Variants in ELMOD1 observed in about 807,000 individuals in gnomAD.
The protein encoded by ELMOD1 is ELMO domain containing 1, also known as ELMO domain-containing protein 1.
Under a neutral mutation model 46.7 loss-of-function variants are expected in ELMOD1, and 21 were observed. The ratio of observed to expected loss-of-function variants is 0.45; its 90% CI spans 0.32 to 0.65. The LOEUF (loss-of-function observed/expected upper bound fraction) is 0.65. ELMOD1 is among the 30% of genes least tolerant of loss of function. The probability of loss-of-function intolerance (pLI) is 0.04; values close to 1 mark genes in which losing one functional copy is unlikely to be tolerated. For missense variants in ELMOD1, 348 were observed against 407.8 expected, an observed-to-expected ratio of 0.85 and a Z score of 1.26; for synonymous variants, 122 against 138.2, an observed-to-expected ratio of 0.88 and a Z score of 0.82.
chr11:107,591,547 G>C (rs952477497), intron 1 of ELMOD1, 138 bp downstream of exon 1: 2 of 258,902 alleles, frequency 7.7e-6, no homozygotes, highest in Admixed American at 5.1e-5. Flanking sequence ...ATCGGGGGCA[G>C]AGAGGGAACG....
chr11:107,631,264 T>C (rs1173012225), intron 4 of ELMOD1, among the ~76,000 whole-genome samples: 3 of 151,878 alleles, frequency 2.0e-5, no homozygotes, highest in Non-Finnish European at 4.4e-5. Context: ...CCCTTAACAA[T>C]AGAAACTATG....
chr11:107,630,513 A>G lies in ELMOD1; in HGVS notation c.114A>G (p.Gln38=), dbSNP rs765095723. ...MRKLTGRCEL[Q]RICYNTKPGA... ...AGCTAACTGGAAGATGTGAACTACA[A>G]CGGATCTGTTATAATACCAAGCCGG... The change falls in exon 3 of 12, where the codon CAA becomes CAG. Residue 38 remains glutamine, a synonymous_variant. Transcript: ENST00000265840. 1.2e-6 allele frequency: 2 copies of G among 1,610,688 alleles called. No homozygotes were observed. The highest frequency in any genetic ancestry group is 1.3e-5 in the African/African-American group (1 of 75,030).
At chr11:107,610,998 C>CA (rs58417281) in intron 1 of ELMOD1, among the ~76,000 whole-genome samples, 19,322 of 95,660 alleles carry the variant, frequency 0.2, 3,065 homozygotes, top group African/African-American at 0.44. Flanking sequence ...TGTAAGAATC[C>CA]AAAAAAAAAA....
intron 2 of ELMOD1, chr11:107,625,282 T>C (rs111714847): frequency 1.6e-6 from 1 of 612,216 alleles, no homozygotes; most frequent in Non-Finnish European, 2.0e-6. Context: ...TTGCTCTTCT[T>C]TATGACATTT....
chr11:107,662,137 T>G (rs759916258), intron 11 of ELMOD1, among the ~76,000 whole-genome samples: 11 of 152,166 alleles, frequency 7.2e-5, no homozygotes, highest in Admixed American at 1.3e-4. Flanking sequence ...AGGAAGAACC[T>G]TTATTTGTTT....
In ELMOD1 at chr11:107,665,843, T is replaced by C. The variant is rs1866833781; in HGVS notation, c.*646T>C. The stretch of plus-strand genomic sequence containing the variant: ...TGGGCGTGGTGGTGGGTGCCTGTAA[T>C]CCCAGCTACTCGGGAGGCTGAGGCA... On this transcript the variant is annotated 3_prime_UTR_variant, in exon 12 of 12. Coordinates refer to ENST00000265840, the MANE Select transcript of ELMOD1 (RefSeq NM_018712.4). 1.3e-5 allele frequency: 2 copies of C among 152,036 alleles called. No homozygotes were observed. 9.4% of individuals were successfully genotyped at this position (152,036 alleles called of 1,614,324 possible).
At chr11:107,656,162 T>C (rs1432748007) in intron 11 of ELMOD1, 96 bp downstream of exon 11, 15 of 1,328,502 alleles carry the variant, frequency 1.1e-5, no homozygotes, top group Non-Finnish European at 1.4e-5. Flanking sequence ...CCAAGGCGAG[T>C]GGATTGCCTG....
chr11:107,601,880 G>A (rs1185911558), intron 1 of ELMOD1, among the ~76,000 whole-genome samples: 3 of 151,840 alleles, frequency 2.0e-5, no homozygotes, highest in Admixed American at 2.0e-4. Flanking sequence ...AAGCTCTAAT[G>A]CACTCTGAAC....
At chr11:107,625,464 T>A in intron 2 of ELMOD1, 1 of 985,380 alleles carries the variant, frequency 1.0e-6, no homozygotes, top group Non-Finnish European at 1.2e-6. Context: ...AAGCCACTTT[T>A]CTCTTACTGT....
Position 107,665,423 on chromosome 11 carries a change from C to A in ELMOD1, c.*226C>A. 2.2e-6 allele frequency: 1 copy of A among 448,412 alleles called. No individual in the cohort carries two copies. The highest frequency in any genetic ancestry group is 2.0e-5 in the African/African-American group (1 of 50,524). 27.8% of individuals were successfully genotyped at this position (448,412 alleles called of 1,614,324 possible). A position where few individuals can be genotyped will look rare whatever the true frequency, so the allele number is the denominator to read the frequency against. On this transcript the variant is annotated 3_prime_UTR_variant, in exon 12 of 12. Coordinates refer to ENST00000265840, the MANE Select transcript of ELMOD1 (RefSeq NM_018712.4). ...CATATTGTGGCATTATGCAGTGTTA[C>A]ATCTTGCCTTGATACCCAGGTATGG...
intron 6 of ELMOD1, among the ~76,000 whole-genome samples, chr11:107,637,837 C>T (rs1162146586): frequency 6.6e-6 from 1 of 152,148 alleles, no homozygotes; most frequent in Non-Finnish European, 1.5e-5. Context: ...ATTATGGCAG[C>T]AACCATTAGA....
chr11:107,654,258 C>T, intron 10 of ELMOD1, 36 bp downstream of exon 10: 1 of 1,555,706 alleles, frequency 6.4e-7, no homozygotes, highest in Non-Finnish European at 8.8e-7. Context: ...GATGGTCCGT[C>T]TGAAACAGAA....
intron 2 of ELMOD1, among the ~76,000 whole-genome samples, chr11:107,627,057 T>TA (rs779386328): frequency 1.3e-5 from 2 of 152,138 alleles, no homozygotes; most frequent in Admixed American, 6.6e-5. Context: ...AGACACAAAA[T>TA]AAATTACACC....
Position 107,656,719 on chromosome 11 carries a change from G to A in ELMOD1, c.832+653G>A, listed in dbSNP as rs900559784. ...GTATCCCCTTCTGGTCTGACTCAAAGACATCATGGGTGTTTCTCTCCCTCT... is the reference window on the plus strand; with the variant it reads ...GTATCCCCTTCTGGTCTGACTCAAAAACATCATGGGTGTTTCTCTCCCTCT... On this transcript the variant is annotated intron_variant, in intron 11 of 11. Coordinates refer to ENST00000265840, the MANE Select transcript of ELMOD1 (RefSeq NM_018712.4). Among the ~76,000 whole-genome samples the A allele has an allele frequency of 2.6e-4, 40 of 152,008 alleles. 1 individual carries two copies. Among genetic ancestry groups the A allele is most frequent in the African/African-American group, 9.7e-4 (40 of 41,404 alleles).
At chr11:107,592,689 G>A in intron 1 of ELMOD1, 1 of 214,794 alleles carries the variant, frequency 4.7e-6, no homozygotes, top group South Asian at 7.4e-5. Flanking sequence ...CTTTTTCATA[G>A]GAAGAAGAAA....
At chr11:107,646,635 G>A (rs1041921643) in intron 6 of ELMOD1, among the ~76,000 whole-genome samples, 4 of 152,094 alleles carry the variant, frequency 2.6e-5, no homozygotes, top group East Asian at 1.9e-4. Flanking sequence ...CTCCAGAGAC[G>A]GAGGCAGGAG....
chr11:107,625,530 C>A (rs985488791), intron 2 of ELMOD1: 49 of 985,282 alleles, frequency 5.0e-5, no homozygotes, highest in Admixed American at 1.8e-4. Flanking sequence ...TGTTGCATTA[C>A]AGGTACCCAC....
At chr11:107,664,949 G>C in intron 11 of ELMOD1, 76 bp from the exon 12 acceptor site, 1 of 1,384,546 alleles carries the variant, frequency 7.2e-7, no homozygotes, top group Non-Finnish European at 9.9e-7. Context: ...ATCTTCCTCA[G>C]CATTCAGAAT....
intron 5 of ELMOD1, among the ~76,000 whole-genome samples, chr11:107,633,910 T>C (rs1005690618): frequency 6.6e-6 from 1 of 152,150 alleles, no homozygotes; most frequent in African/African-American, 2.4e-5. Context: ...TAACAAGTAA[T>C]GATGAAAGTC....
Sources: allele counts gnomAD v4.1 joint callset (sites outside exome capture counted in the v4.1 genomes callset), GRCh38; gene constraint gnomAD v4.1.1; transcripts MANE v1.5; gene names NCBI Gene and HGNC (gene_info 2026-07-23, HGNC 2026-07-21).